Variants in NEDD9 observed in about 807,000 individuals in gnomAD.
The protein encoded by NEDD9 is neural precursor cell expressed, developmentally down-regulated 9, also known as enhancer of filamentation 1.
In NEDD9, 26 loss-of-function variants were observed where a neutral mutation model predicts 76.6. The ratio of observed to expected loss-of-function variants is 0.34; its 90% CI spans 0.25 to 0.47. The LOEUF (loss-of-function observed/expected upper bound fraction) is 0.47, where lower values mean the gene tolerates loss of function less well. Ranked by LOEUF, NEDD9 falls within the 20% of genes least tolerant of loss-of-function variation. NEDD9 has a pLI of 1.00. For synonymous variants in NEDD9, 392 were observed against 414.2 expected, an observed-to-expected ratio of 0.95 and a Z score of 0.65; for missense variants, 937 against 1,058.5, an observed-to-expected ratio of 0.89 and a Z score of 1.59.
chr6:11,312,706 ATATATT>A (rs1203602062), intron 2 of NEDD9, among the ~76,000 whole-genome samples: 3 of 147,646 alleles, frequency 2.0e-5, no homozygotes, highest in Admixed American at 6.8e-5. Context: ...ATATATATAT[ATATATT>A]TTTAAAGAGT....
Position 11,190,112 on chromosome 6 carries a change from C to T in NEDD9, c.1757G>A (p.Gly586Glu). ...STEYPHGGSQGQLLHPGDHKA... is the reference protein window; with the variant it reads ...STEYPHGGSQEQLLHPGDHKA... The stretch of plus-strand genomic sequence containing the variant: ...GTGGTCACCAGGATGCAGCAGCTGT[C>T]CCTGGGAGCCACCGTGTGGGTACTC... The change falls in exon 5 of 7, where the codon GGA (glycine) becomes GAA (glutamate). Residue 586 changes from glycine to glutamate, a missense_variant. Transcript: ENST00000379446. The surrounding 1 kb of genome is among the most constrained non-coding windows in gnomAD (Gnocchi z 5.8). 3.1e-6 allele frequency: 5 copies of T among 1,612,086 alleles called. No homozygotes were observed. The highest frequency in any genetic ancestry group is 4.2e-6 in the Non-Finnish European group (5 of 1,178,710).
At chr6:11,262,527 G>A (rs898719571) in intron 3 of NEDD9, among the ~76,000 whole-genome samples, 3 of 152,186 alleles carry the variant, frequency 2.0e-5, no homozygotes, top group African/African-American at 7.2e-5. Context: ...GATTCTCTGT[G>A]TGAAGCAAGT....
At chr6:11,338,588 C>T (rs1762210942) in intron 1 of NEDD9, among the ~76,000 whole-genome samples, 1 of 152,096 alleles carries the variant, frequency 6.6e-6, no homozygotes, top group South Asian at 2.1e-4. Flanking sequence ...TTCTGGAGCC[C>T]TTTGCAAATG....
chr6:11,312,206 A>G (rs1049050456), intron 2 of NEDD9, among the ~76,000 whole-genome samples: 8 of 151,904 alleles, frequency 5.3e-5, no homozygotes, highest in African/African-American at 1.7e-4. Flanking sequence ...CCACCTCTCC[A>G]AAAGACACAC....
intron 2 of NEDD9, among the ~76,000 whole-genome samples, chr6:11,319,123 TATCTG>T (rs1407014083): frequency 6.6e-6 from 1 of 152,258 alleles, no homozygotes; most frequent in Non-Finnish European, 1.5e-5. Flanking sequence ...CCATGTGGAA[TATCTG>T]CTCGGCTTGA....
intron 1 of NEDD9, among the ~76,000 whole-genome samples, chr6:11,374,523 G>A (rs1197304411): frequency 2.0e-5 from 3 of 152,168 alleles, no homozygotes; most frequent in African/African-American, 7.2e-5. Context: ...GTGAAGCTGT[G>A]GGTGGGGAAT....
At chr6:11,228,695 C>T (rs540180595) in intron 1 of NEDD9, among the ~76,000 whole-genome samples, 59 of 152,116 alleles carry the variant, frequency 3.9e-4, no homozygotes, top group Middle Eastern at 3.4e-3. Context: ...GTACAACTTG[C>T]TAAATTTGGT....
chr6:11,185,791 GA>G lies in NEDD9; in HGVS notation c.1996-121del, dbSNP rs1254886203. On this transcript the variant is annotated intron_variant, in intron 6 of 6. Transcript: ENST00000379446. ...TCGCTAGTAACTGTCAGATGCATGT[GA>G]GCTGTAAAGCCTGGGTCAAGCTGCC... 4 of 1,184,292 alleles carry G rather than the reference GA, an allele frequency of 3.4e-6. No individual in the cohort carries two copies. In the African/African-American group the frequency reaches 6.1e-5, roughly 18 times the overall value. The allele number at this position is 1,184,292 out of a possible 1,614,324, so 73.4% of individuals were successfully genotyped here.
rs549657746 is a variant in NEDD9 at position 11,294,793 on chromosome 6, C to T, written c.12+11199G>A. On this transcript the variant is annotated intron_variant, in intron 3 of 3. Coordinates refer to the NEDD9 transcript ENST00000397378. ...TCATTATGGTTTTGATCTGTATATC[C>T]CTGATGATTAGTGATACGGTTTGGC... Among the ~76,000 whole-genome samples, 144 of 152,178 alleles carry T rather than the reference C, an allele frequency of 9.5e-4. 1 individual carries two copies. The highest frequency in any genetic ancestry group is 3.4e-3 in the African/African-American group (142 of 41,514).
At chr6:11,344,766 A>G (rs548334847) in intron 1 of NEDD9, among the ~76,000 whole-genome samples, 102 of 152,292 alleles carry the variant, frequency 6.7e-4, no homozygotes, top group Middle Eastern at 3.4e-3. Flanking sequence ...GAACACAGTT[A>G]CCTTATCTCC....
At chr6:11,327,083 G>A (rs1318233832) in intron 2 of NEDD9, among the ~76,000 whole-genome samples, 1 of 152,062 alleles carries the variant, frequency 6.6e-6, no homozygotes, top group African/African-American at 2.4e-5. Context: ...GATGATGCTG[G>A]GACAACAGGA....
intron 1 of NEDD9, among the ~76,000 whole-genome samples, chr6:11,351,282 C>A (rs949810076): frequency 6.6e-6 from 1 of 152,130 alleles, no homozygotes; most frequent in East Asian, 1.9e-4. Flanking sequence ...TGCCAGGAGT[C>A]CCCAGGCTGG....
At chr6:11,216,283 C>A (rs1050694334) in intron 1 of NEDD9, among the ~76,000 whole-genome samples, 2 of 152,184 alleles carry the variant, frequency 1.3e-5, no homozygotes, top group Non-Finnish European at 2.9e-5. Context: ...TCAGCCTTGG[C>A]CGAACAGGAG....
In NEDD9 at chr6:11,198,468, CTT is replaced by C. The variant is rs1758346137; in HGVS notation, c.460-4778_460-4777del. 1 of 152,278 alleles carries C rather than the reference CTT, an allele frequency of 6.6e-6. No homozygotes were observed. The highest frequency in any genetic ancestry group is 6.5e-5 in the Admixed American group (1 of 15,276). The allele number at this position is 152,278 out of a possible 1,614,324, so 9.4% of individuals were successfully genotyped here. On this transcript the variant is annotated intron_variant, in intron 2 of 6. Transcript: ENST00000379446. The surrounding 1 kb of genome is among the most constrained non-coding windows in gnomAD (Gnocchi z 4.7). ...TCTTCTTTCTTTCCTCATATTCAAA[CTT>C]TAATTGATTTTCAAGGCCCGGCTGA...
intron 1 of NEDD9, among the ~76,000 whole-genome samples, chr6:11,226,558 T>C (rs1266200523): frequency 6.6e-6 from 1 of 152,350 alleles, no homozygotes; most frequent in African/African-American, 2.4e-5. Flanking sequence ...GTCATTCTAA[T>C]TGACTGCAAT....
intron 2 of NEDD9, chr6:11,328,642 A>G (rs954049288): frequency 5.9e-5 from 9 of 152,262 alleles, no homozygotes; most frequent in African/African-American, 2.2e-4. Flanking sequence ...AAAGCAGAAC[A>G]ACTTGAGCTA....
At chr6:11,286,372 C>T (rs1760649721) in intron 3 of NEDD9, among the ~76,000 whole-genome samples, 1 of 152,170 alleles carries the variant, frequency 6.6e-6, no homozygotes, top group Non-Finnish European at 1.5e-5. Flanking sequence ...TGAGGAGGAA[C>T]TGGAACTCTC....
chr6:11,203,313 A>T (rs2113740208), intron 2 of NEDD9, among the ~76,000 whole-genome samples: 2 of 152,292 alleles, frequency 1.3e-5, no homozygotes, highest in South Asian at 4.1e-4. Flanking sequence ...GGCTCTTTTG[A>T]TGTCCAAATA....
At chr6:11,260,360 G>A (rs1458504270) in intron 3 of NEDD9, among the ~76,000 whole-genome samples, 2 of 152,198 alleles carry the variant, frequency 1.3e-5, no homozygotes, top group Non-Finnish European at 2.9e-5. Flanking sequence ...TTTAGAATCA[G>A]GTGGAATTGG....
Sources: gnomAD v4.1 joint callset for allele counts (sites outside exome capture counted in the v4.1 genomes callset) on GRCh38, gnomAD v4.1.1 for gene constraint, Gnocchi (gnomAD v3.1) non-coding constraint, MANE v1.5 for transcripts, NCBI Gene and HGNC (gene_info 2026-07-23, HGNC 2026-07-21) for gene names.